Variants in RFWD3 observed in about 807,000 individuals in gnomAD.
RFWD3 encodes the protein E3 ubiquitin-protein ligase RFWD3.
A neutral mutation model predicts 87.7 loss-of-function variants in RFWD3; 65 were observed. The observed-to-expected ratio is 0.74, with a 90% CI of 0.61 to 0.91. The LOEUF (loss-of-function observed/expected upper bound fraction) is 0.91. Ranked by LOEUF, RFWD3 falls within the 40% of genes least tolerant of loss-of-function variation. RFWD3 has a pLI of 0.00. For missense variants in RFWD3, 1,078 were observed against 938.5 expected (o/e 1.15, Z -1.94); for synonymous variants, 433 against 352.8 (o/e 1.23, Z -2.55).
At position 74,652,101 on chromosome 16, in the gene RFWD3, A is replaced by G. The variant is rs1334137952; in HGVS notation, c.540T>C (p.Ala180=). 1 of 1,614,094 alleles carries G rather than the reference A, an allele frequency of 6.2e-7. No individual in the cohort carries two copies. Among genetic ancestry groups the G allele is most frequent in the East Asian group, 2.2e-5 (1 of 44,896 alleles). ...GCTGGGTCCTGCTCACCTGAAAGTA[A>G]GCATCCAATGGTGCTCTCAACCTAT... ...DSARLRAPLD[A]YFQVSRTQPD... The change falls in exon 3 of 13, where the codon GCT becomes GCC. Residue 180 remains alanine (A), a synonymous_variant. Coordinates refer to ENST00000361070, the MANE Select transcript of RFWD3 (RefSeq NM_018124.4).
At chr16:74,665,756 C>CTTTT (rs916185187) in intron 1 of RFWD3, among the ~76,000 whole-genome samples, 2 of 147,296 alleles carry the variant, frequency 1.4e-5, no homozygotes, top group Non-Finnish European at 3.0e-5. Context: ...TTCTTTCTTT[C>CTTTT]TTTTTTTGAG....
At chr16:74,657,072 T>C (rs1961041616) in intron 2 of RFWD3, among the ~76,000 whole-genome samples, 2 of 152,328 alleles carry the variant, frequency 1.3e-5, no homozygotes, top group East Asian at 3.9e-4. Flanking sequence ...TTTCACACTC[T>C]GCATTGCTCA....
chr16:74,661,662 G>C (rs545634278), intron 1 of RFWD3, among the ~76,000 whole-genome samples: 3 of 152,188 alleles, frequency 2.0e-5, no homozygotes, highest in African/African-American at 7.2e-5. Flanking sequence ...CAGTTTTCCG[G>C]TTTGCCCTTA....
chr16:74,662,133 T>C (rs968145632), intron 1 of RFWD3, among the ~76,000 whole-genome samples: 8 of 151,214 alleles, frequency 5.3e-5, no homozygotes, highest in African/African-American at 7.4e-5. Context: ...ACCTAGTTTT[T>C]AAACTAAAAA....
chr16:74,645,729 T>C (rs867306868), intron 4 of RFWD3, among the ~76,000 whole-genome samples: 51 of 149,344 alleles, frequency 3.4e-4, no homozygotes, highest in Admixed American at 1.3e-3. Flanking sequence ...CCCATGATCA[T>C]AGTCACAAAT....
rs183158248 is a variant in RFWD3 at position 74,655,921 on chromosome 16, T to C, written c.519-3799A>G. ...ACTTATGCCCACTGTTGAAACCTAC[T>C]ATTCAGAAAAAAGGATTCCTTTAAA... On this transcript the variant is annotated intron_variant, in intron 2 of 12. Transcript: ENST00000361070. 2.3e-3 allele frequency among the ~76,000 whole-genome samples: 351 copies of C among 152,224 alleles called. 1 individual carries two copies. The highest frequency in any genetic ancestry group is 8.2e-3 in the African/African-American group (342 of 41,546).
At chr16:74,641,464 A>G (rs1959638310) in intron 6 of RFWD3, among the ~76,000 whole-genome samples, 1 of 95,248 alleles carries the variant, frequency 1.0e-5, no homozygotes, top group Non-Finnish European at 2.0e-5. Context: ...CGCCTGGCCT[A>G]AACAGATTAA....
At chr16:74,632,870 G>A (rs1959143845) in intron 8 of RFWD3, 197 bp from the exon 9 acceptor site, 3 of 537,220 alleles carry the variant, frequency 5.6e-6, no homozygotes, top group East Asian at 3.4e-5. Flanking sequence ...ATGCAGTGGC[G>A]TAACCTCAGC....
chr16:74,652,757 C>T (rs529808507), intron 2 of RFWD3, among the ~76,000 whole-genome samples: 1 of 152,350 alleles, frequency 6.6e-6, no homozygotes, highest in South Asian at 2.1e-4. Context: ...ATAACCACTA[C>T]TGTACCTCAG....
chr16:74,644,463 C>G lies in RFWD3; in HGVS notation c.988-10G>C. On this transcript the variant is annotated splice_polypyrimidine_tract_variant and intron_variant, in intron 5 of 12. Coordinates refer to ENST00000361070, the MANE Select transcript of RFWD3 (RefSeq NM_018124.4). ...TGGCTTTCTTGTTGCACTAAAGAAC[C>G]CAATAGGACATAATTAGAGTGGTTC... 1 of 1,614,156 alleles carries G rather than the reference C, an allele frequency of 6.2e-7. No homozygotes were observed. The highest frequency in any genetic ancestry group is 1.1e-5 in the South Asian group (1 of 91,076).
intron 6 of RFWD3, among the ~76,000 whole-genome samples, chr16:74,641,323 C>G (rs774480180): frequency 1.3e-5 from 2 of 151,908 alleles, no homozygotes; most frequent in Non-Finnish European, 2.9e-5. Context: ...CCACCATGCC[C>G]GGCTAATTTT....
intron 1 of RFWD3, among the ~76,000 whole-genome samples, 191 bp from the exon 2 acceptor site, chr16:74,661,642 C>G (rs1961450619): frequency 6.6e-6 from 1 of 152,122 alleles, no homozygotes; most frequent in African/African-American, 2.4e-5. Context: ...CTATAACAAG[C>G]ATTTATAACC....
intron 1 of RFWD3, among the ~76,000 whole-genome samples, chr16:74,663,563 A>G (rs1437354697): frequency 6.6e-6 from 1 of 152,186 alleles, no homozygotes; most frequent in African/African-American, 2.4e-5. Flanking sequence ...AACATAGTGG[A>G]CGAAGTACAT....
rs146989549 is a variant in RFWD3, at chr16:74,654,028, G to GT, written c.519-1907dup. Among the ~76,000 whole-genome samples, 513 of 150,962 alleles carry GT rather than the reference G, an allele frequency of 3.4e-3. 8 individuals are homozygous for GT. In the East Asian group the frequency reaches 0.046, roughly 13 times the overall value. ...ATTTAAAAGTGTTCAATTCAGTGTT[G>GT]TTTTTTTTTAGCATAACCACAAGGT... On this transcript the variant is annotated intron_variant, in intron 2 of 12. Coordinates refer to ENST00000361070, the MANE Select transcript of RFWD3 (RefSeq NM_018124.4).
chr16:74,641,221 G>A (rs112592739), intron 6 of RFWD3, among the ~76,000 whole-genome samples: 5,449 of 151,492 alleles, frequency 0.036, 117 homozygotes, highest in Non-Finnish European at 0.058. Flanking sequence ...GGAGTGCAAT[G>A]GTGCGACCTC....
intron 10 of RFWD3, among the ~76,000 whole-genome samples, chr16:74,628,965 A>C (rs2144044033): frequency 6.6e-6 from 1 of 152,220 alleles, no homozygotes; most frequent in Non-Finnish European, 1.5e-5. Context: ...ACTGATGTGA[A>C]GCTTCTGGAA....
In RFWD3 at chr16:74,661,266, T is replaced by C; in HGVS notation, c.184A>G (p.Ser62Gly). ...AGCAGGGGTGGTGTCGCTTGGCTGC[T>C]GATCACCTCAGCAGGAGCTGGCTGG... ...ILQPAPAEVI[S>G]SQATPPLLQP... Residue 62 changes from serine (S) to glycine (G), a missense_variant, in exon 2 of 13, where the codon AGC becomes GGC. By Grantham distance (56) the Ser-to-Gly change is moderately conservative. Coordinates refer to ENST00000361070, the MANE Select transcript of RFWD3 (RefSeq NM_018124.4). The C allele has an allele frequency of 6.2e-7, 1 of 1,614,154 alleles. No individual in the cohort carries two copies. Among genetic ancestry groups the C allele is most frequent in the Non-Finnish European group, 8.5e-7 (1 of 1,180,018 alleles).
chr16:74,659,042 G>A (rs1365830624), intron 2 of RFWD3, among the ~76,000 whole-genome samples: 1 of 152,176 alleles, frequency 6.6e-6, no homozygotes, highest in Non-Finnish European at 1.5e-5. Flanking sequence ...TTACAGGCGT[G>A]AGCCACTATG....
At chr16:74,660,503 T>G (rs963465217) in intron 2 of RFWD3, 3 of 165,214 alleles carry the variant, frequency 1.8e-5, no homozygotes, top group South Asian at 1.6e-4. Flanking sequence ...GCAATTGTTA[T>G]TCTTCATAAT....
Sources: allele counts gnomAD v4.1 joint callset (sites outside exome capture counted in the v4.1 genomes callset), GRCh38; gene constraint gnomAD v4.1.1; transcripts MANE v1.5; gene names NCBI Gene and HGNC (gene_info 2026-07-23, HGNC 2026-07-21).